Variants in KDM2B observed in about 807,000 individuals in gnomAD.
The protein encoded by KDM2B is lysine demethylase 2B.
In KDM2B, 26 loss-of-function variants were observed where a neutral mutation model predicts 150.0. The ratio of observed to expected loss-of-function variants is 0.17; its 90% confidence interval spans 0.13 to 0.24. The LOEUF (loss-of-function observed/expected upper bound fraction) is 0.24, where lower values mean the gene tolerates loss of function less well. Among genes scored for constraint, KDM2B ranks in the 10% least tolerant of loss-of-function variants. KDM2B has a pLI of 1.00. For missense variants in KDM2B, 1,265 were observed against 1,816.9 expected, an observed-to-expected ratio of 0.70 and a Z score of 5.52; for synonymous variants, 734 against 729.5, an observed-to-expected ratio of 1.01 and a Z score of -0.10.
intron 12 of KDM2B, among the ~76,000 whole-genome samples, chr12:121,482,118 T>C (rs1356821485): frequency 1.3e-5 from 2 of 152,048 alleles, no homozygotes; most frequent in Non-Finnish European, 2.9e-5. Flanking sequence ...CTGAGCAGGT[T>C]ATCACACCAA....
chr12:121,484,361 A>T (rs976918487), intron 12 of KDM2B, among the ~76,000 whole-genome samples: 2 of 152,098 alleles, frequency 1.3e-5, no homozygotes, highest in Non-Finnish European at 2.9e-5. Flanking sequence ...AGAAGGAAGG[A>T]GTGTAAGCAA....
intron 6 of KDM2B, among the ~76,000 whole-genome samples, chr12:121,545,495 A>G (rs1344771367): frequency 6.6e-6 from 1 of 152,186 alleles, no homozygotes; most frequent in Non-Finnish European, 1.5e-5. Flanking sequence ...ATCTTTCAAT[A>G]AAGTGCAGAA....
chr12:121,570,849 C>G (rs995448448), intron 4 of KDM2B, among the ~76,000 whole-genome samples: 14 of 152,138 alleles, frequency 9.2e-5, no homozygotes, highest in African/African-American at 3.4e-4. Context: ...GATGCATGTT[C>G]AACAAAAACC....
At chr12:121,510,183 G>A (rs1951699144) in intron 10 of KDM2B, 144 bp from the exon 11 acceptor site, 3 of 726,470 alleles carry the variant, frequency 4.1e-6, no homozygotes, top group Non-Finnish European at 6.6e-6. Flanking sequence ...TCCAGCCTCT[G>A]GAAAGGCCGT....
intron 6 of KDM2B, among the ~76,000 whole-genome samples, chr12:121,540,307 G>T (rs117211763): frequency 1.3e-5 from 2 of 152,114 alleles, no homozygotes; most frequent in African/African-American, 2.4e-5. Context: ...GTGCGGGGCC[G>T]GTTTCCCTAT....
At chr12:121,534,417 A>G in intron 7 of KDM2B, 80 bp downstream of exon 7, 1 of 969,682 alleles carries the variant, frequency 1.0e-6, no homozygotes, top group Admixed American at 1.7e-5. Context: ...GGGAGGTGGG[A>G]GGAGAGGGAA....
intron 1 of KDM2B, chr12:121,580,220 G>T (rs1745089629): frequency 7.3e-7 from 1 of 1,374,448 alleles, no homozygotes; most frequent in Non-Finnish European, 9.4e-7. Flanking sequence ...AGATCCGTTT[G>T]CAAAGTCCTA....
At chr12:121,470,320 C>T (rs1555295747) in intron 12 of KDM2B, 1 of 152,100 alleles carries the variant, frequency 6.6e-6, no homozygotes, top group African/African-American at 2.4e-5. Context: ...AAAAAGTTGC[C>T]GCTAACACAA....
chr12:121,409,680 A>T, the KDM2B span: 1 of 152,360 alleles, frequency 6.6e-6, no homozygotes, highest in Admixed American at 6.5e-5. Flanking sequence ...TTGCCTGGTG[A>T]GTCCAACATG....
intron 12 of KDM2B, among the ~76,000 whole-genome samples, chr12:121,460,476 G>A (rs541666463): frequency 2.6e-5 from 4 of 152,286 alleles, no homozygotes; most frequent in South Asian, 2.1e-4. Flanking sequence ...TCAGCTAACC[G>A]CAGCCTCGAC....
At chr12:121,539,589 C>CCA (rs1300211351) in intron 6 of KDM2B, among the ~76,000 whole-genome samples, 29 of 152,156 alleles carry the variant, frequency 1.9e-4, no homozygotes, top group Admixed American at 1.8e-3. Flanking sequence ...ACTCAGAGTC[C>CCA]CACTAATCAG....
chr12:121,443,052 G>T (rs782647804), intron 17 of KDM2B, 22 bp from the exon 18 acceptor site: 26 of 1,605,660 alleles, frequency 1.6e-5, no homozygotes, highest in Admixed American at 6.8e-5. Flanking sequence ...AAGAAAGGAC[G>T]CAGAGCTTGC....
intron 12 of KDM2B, among the ~76,000 whole-genome samples, chr12:121,472,257 T>C (rs1481212388): frequency 1.3e-5 from 2 of 152,228 alleles, no homozygotes; most frequent in African/African-American, 4.8e-5. Flanking sequence ...TTCAGGAGAC[T>C]TGCCCCCCTT....
At chr12:121,450,368 C>T (rs534214916) in intron 13 of KDM2B, among the ~76,000 whole-genome samples, 2 of 151,036 alleles carry the variant, frequency 1.3e-5, no homozygotes, top group East Asian at 1.9e-4. Context: ...AGTTTAAAAA[C>T]GGGCTAAGGA....
At chr12:121,579,793 C>A in intron 1 of KDM2B, 1 of 1,310,000 alleles carries the variant, frequency 7.6e-7, no homozygotes, top group Non-Finnish European at 1.0e-6. Flanking sequence ...TCCCCGATAC[C>A]ACCTCCCCAC....
chr12:121,444,427 G>A (rs1037684035), intron 15 of KDM2B, 23 bp downstream of exon 15: 3 of 1,613,622 alleles, frequency 1.9e-6, no homozygotes, highest in African/African-American at 2.7e-5. Flanking sequence ...GACTGACCCT[G>A]GGACTTGGAG....
At chr12:121,516,479 T>C in intron 9 of KDM2B, 1 of 1,355,296 alleles carries the variant, frequency 7.4e-7, no homozygotes, top group Non-Finnish European at 9.7e-7. Flanking sequence ...AAACAGGTTG[T>C]CGCCTTCCAC....
At chr12:121,445,461 A>G in intron 13 of KDM2B, 43 bp from the exon 14 acceptor site, 1 of 1,539,336 alleles carries the variant, frequency 6.5e-7, no homozygotes, top group Non-Finnish European at 8.8e-7. Flanking sequence ...AGGGGTGGGG[A>G]GCACGGACCC....
intron 9 of KDM2B, chr12:121,516,279 G>A: frequency 3.1e-6 from 1 of 325,086 alleles, no homozygotes. Context: ...TTCTAAATTA[G>A]GGGAAAAAAA....
Sources: allele counts gnomAD v4.1 joint callset (sites outside exome capture counted in the v4.1 genomes callset), GRCh38; gene constraint gnomAD v4.1.1; transcripts MANE v1.5; gene names NCBI Gene and HGNC (gene_info 2026-07-23, HGNC 2026-07-21).